The following RIMS4 variants were observed in gnomAD, a reference collection of about 807,000 sequenced individuals.
RIMS4 encodes regulating synaptic membrane exocytosis protein 4.
Under a neutral mutation model 29.0 loss-of-function variants are expected in RIMS4, and 9 were observed. The observed-to-expected ratio is 0.31, with a 90% CI of 0.19 to 0.54. The LOEUF (loss-of-function observed/expected upper bound fraction) is 0.54, where lower values mean the gene tolerates loss of function less well. Ranked by LOEUF, RIMS4 falls within the 20% of genes least tolerant of loss-of-function variation. The pLI is 0.94. For synonymous variants in RIMS4, 130 were observed against 152.9 expected (o/e 0.85, Z 1.10); for missense variants, 193 against 365.7 (o/e 0.53, Z 3.85).
intron 1 of RIMS4, among the ~76,000 whole-genome samples, chr20:44,793,887 T>C (rs573149843): frequency 6.6e-6 from 1 of 152,176 alleles, no homozygotes; most frequent in East Asian, 1.9e-4. Flanking sequence ...CTGGGCAACA[T>C]AGCGAGATTC....
intron 1 of RIMS4, among the ~76,000 whole-genome samples, chr20:44,802,998 T>C (rs2066283449): frequency 1.3e-5 from 2 of 152,214 alleles, no homozygotes; most frequent in Admixed American, 1.3e-4. Flanking sequence ...TTATCTCAGA[T>C]ATCACCTCCT....
chr20:44,803,389 A>G (rs563142519), intron 1 of RIMS4, among the ~76,000 whole-genome samples: 54 of 152,286 alleles, frequency 3.5e-4, no homozygotes, highest in African/African-American at 1.3e-3. Flanking sequence ...ATGCTCTCCA[A>G]GGGTCCTTCC....
chr20:44,770,142 A>C (rs1364285503), intron 2 of RIMS4, among the ~76,000 whole-genome samples: 2 of 152,156 alleles, frequency 1.3e-5, no homozygotes, highest in African/African-American at 4.8e-5. Flanking sequence ...CACAAGAATC[A>C]TGATATCCCA....
At chr20:44,780,740 TTTTTGC>T (rs2066180454) in intron 1 of RIMS4, among the ~76,000 whole-genome samples, 1 of 151,160 alleles carries the variant, frequency 6.6e-6, no homozygotes, top group African/African-American at 2.4e-5. Context: ...CAGAGTGCAA[TTTTTGC>T]CCTTTACGCT....
intron 1 of RIMS4, among the ~76,000 whole-genome samples, chr20:44,785,633 T>C (rs1229619203): frequency 1.3e-5 from 2 of 152,134 alleles, no homozygotes; most frequent in African/African-American, 4.8e-5. Flanking sequence ...CTGGGTCTTG[T>C]CCCAGCTCCA....
At position 44,752,987 on chromosome 20, in the gene RIMS4, C is replaced by T. The variant is rs1156750303; in HGVS notation, c.*3147G>A. 1 of 152,742 alleles carries T rather than the reference C, an allele frequency of 6.5e-6. No individual in the cohort carries two copies. Among genetic ancestry groups the T allele is most frequent in the Non-Finnish European group, 1.5e-5 (1 of 68,154 alleles). The allele number at this position is 152,742 out of a possible 1,614,324, so 9.5% of individuals were successfully genotyped here. ...GTCACTGGTTTATAGAGGTGGAGCCCAGTAGGGCTGTGCAGCCCAGGGCTT... is the reference window on the plus strand; with the variant it reads ...GTCACTGGTTTATAGAGGTGGAGCCTAGTAGGGCTGTGCAGCCCAGGGCTT... On this transcript the variant is annotated 3_prime_UTR_variant, in exon 6 of 6. Coordinates refer to ENST00000372851, the MANE Select transcript of RIMS4 (RefSeq NM_182970.4).
At chr20:44,776,142 G>T (rs2066159374) in intron 1 of RIMS4, among the ~76,000 whole-genome samples, 2 of 152,066 alleles carry the variant, frequency 1.3e-5, no homozygotes, top group Non-Finnish European at 2.9e-5. Context: ...AATTAGCCGG[G>T]CATGGTGGTG....
intron 1 of RIMS4, among the ~76,000 whole-genome samples, chr20:44,783,867 C>T (rs543109726): frequency 3.7e-4 from 57 of 152,116 alleles, no homozygotes; most frequent in Admixed American, 1.0e-3. Flanking sequence ...ATAGGGTTGA[C>T]GATAATATTC....
chr20:44,795,041 C>T (rs562712752), intron 1 of RIMS4, among the ~76,000 whole-genome samples: 1 of 152,348 alleles, frequency 6.6e-6, no homozygotes, highest in East Asian at 1.9e-4. Flanking sequence ...GTTCTGCTAC[C>T]TCCCAACAAC....
At chr20:44,757,464 A>C (rs1038027186) in intron 4 of RIMS4, among the ~76,000 whole-genome samples, 8 of 152,166 alleles carry the variant, frequency 5.3e-5, no homozygotes, top group South Asian at 2.1e-4. Context: ...AGCTCAGTCC[A>C]GTGGAGGAGA....
intron 1 of RIMS4, among the ~76,000 whole-genome samples, chr20:44,803,967 T>A (rs1370149564): frequency 6.6e-6 from 1 of 152,248 alleles, no homozygotes; most frequent in Non-Finnish European, 1.5e-5. Context: ...TGTCACCTGC[T>A]GTTCTGACAG....
rs1033165027 is a variant in RIMS4 at position 44,806,135 on chromosome 20, C to A, written c.97+4040G>T. On this transcript the variant is annotated intron_variant, in intron 1 of 5. Transcript: ENST00000372851. The stretch of plus-strand genomic sequence containing the variant: ...TTGCCATGGCAACCTCCTCCCTGCG[C>A]TGGATCGAAGCTTCCATCCTATGGG... Among the ~76,000 whole-genome samples the A allele has an allele frequency of 2.6e-5, 4 of 152,156 alleles. No individual in the cohort carries two copies. In the East Asian group the frequency reaches 7.8e-4, roughly 30 times the overall value.
At chr20:44,800,704 G>A (rs1467135319) in intron 1 of RIMS4, among the ~76,000 whole-genome samples, 1 of 151,942 alleles carries the variant, frequency 6.6e-6, no homozygotes, top group East Asian at 1.9e-4. Context: ...GAGACTCTGG[G>A]TATATCTAAA....
intron 1 of RIMS4, 125 bp from the exon 2 acceptor site, chr20:44,771,538 C>CA: frequency 1.9e-6 from 2 of 1,035,580 alleles, no homozygotes; most frequent in African/African-American, 1.6e-5. Context: ...CCTCCACCCT[C>CA]AGCCCATCAA....
chr20:44,807,004 T>C (rs1209463223), intron 1 of RIMS4, among the ~76,000 whole-genome samples: 1 of 152,152 alleles, frequency 6.6e-6, no homozygotes, highest in Non-Finnish European at 1.5e-5. Context: ...TCTTCTTCCT[T>C]ACAGATACGA....
In RIMS4 at chr20:44,756,245, G is replaced by A. The variant is rs774442434; in HGVS notation, c.699C>T (p.Tyr233=). The change falls in exon 6 of 6, where the codon TAC becomes TAT. Residue 233 remains tyrosine (Y), a synonymous_variant. Transcript: ENST00000372851. This position sits in a 1 kb window ranked among gnomAD's most constrained non-coding sequence, Gnocchi z 5.9. The part of the protein sequence containing the change: ...LDLTTLAVGW[Y]KLFPTSSMVD... The stretch of plus-strand genomic sequence containing the variant: ...CCATGGAGGAGGTGGGGAAGAGCTT[G>A]TACCAGCCCACGGCCAGGGTGGTCA... 1 of 1,614,022 alleles carries A rather than the reference G, an allele frequency of 6.2e-7. No homozygotes were observed. Among genetic ancestry groups the A allele is most frequent in the East Asian group, 2.2e-5 (1 of 44,862 alleles).
chr20:44,806,015 T>C (rs1234208608), intron 1 of RIMS4, among the ~76,000 whole-genome samples: 1 of 152,100 alleles, frequency 6.6e-6, no homozygotes, highest in Non-Finnish European at 1.5e-5. Context: ...GCCCAACAGA[T>C]TTGGTCTGAG....
At chr20:44,790,583 C>T (rs2066228664) in intron 1 of RIMS4, among the ~76,000 whole-genome samples, 1 of 152,354 alleles carries the variant, frequency 6.6e-6, no homozygotes, top group Admixed American at 6.5e-5. Context: ...TGTGACAATG[C>T]TAGTGTCTCA....
chr20:44,782,797 T>G (rs887555178), intron 1 of RIMS4, among the ~76,000 whole-genome samples: 1 of 152,200 alleles, frequency 6.6e-6, no homozygotes, highest in Non-Finnish European at 1.5e-5. Context: ...AACAGACAGA[T>G]GCTGCCAAAC....
Sources: allele counts gnomAD v4.1 joint callset (sites outside exome capture counted in the v4.1 genomes callset), GRCh38; gene constraint gnomAD v4.1.1; non-coding constraint Gnocchi (gnomAD v3.1); transcripts MANE v1.5; gene names NCBI Gene and HGNC (gene_info 2026-07-23, HGNC 2026-07-21).